The following TM2D3 variants were observed in gnomAD, a reference collection of about 807,000 sequenced individuals.
TM2D3 encodes TM2 domain-containing protein 3.
Under a neutral mutation model 27.3 loss-of-function variants are expected in TM2D3, and 33 were observed. That is an observed-to-expected ratio of 1.21 (90% CI 0.92 to 1.61). The LOEUF (loss-of-function observed/expected upper bound fraction) is 1.61. Ranked by LOEUF, TM2D3 falls within the 40% of genes most tolerant of loss-of-function variation. The pLI, the probability that TM2D3 is intolerant of heterozygous loss-of-function variation, is 0.00. For synonymous variants in TM2D3, 138 were observed against 122.2 expected (o/e 1.13, Z -0.85); for missense variants, 364 against 320.8 (o/e 1.13, Z -1.03).
In TM2D3 at chr15:101,645,542, C is replaced by T. The variant is rs182732391; in HGVS notation, c.503-380G>A. The T allele has an allele frequency of 4.6e-3, 829 of 180,386 alleles. 12 individuals are homozygous for T. The highest frequency in any genetic ancestry group is 5.4e-3 in the Non-Finnish European group (468 of 87,200). 11.2% of individuals were successfully genotyped at this position (180,386 alleles called of 1,614,324 possible). On this transcript the variant is annotated intron_variant, in intron 4 of 5. Transcript: ENST00000333202. ...ATGACAGAGGTCACACACGGATCAA[C>T]AGGGAAGAGTTGAGACAACTGGCCA...
chr15:101,651,240 GATAA>G lies in TM2D3; in HGVS notation c.169+452_169+455del, dbSNP rs148690499. The G allele has an allele frequency of 3.1e-3, 483 of 158,084 alleles. 1 individual carries two copies. Among genetic ancestry groups the G allele is most frequent in the Middle Eastern group, 0.02 (6 of 294 alleles). 9.8% of individuals were successfully genotyped at this position (158,084 alleles called of 1,614,324 possible). On this transcript the variant is annotated intron_variant, in intron 2 of 5. Transcript: ENST00000333202. ...AAGATGAGGACCAAGGTCCAAAGAG[GATAA>G]ATAATTTGTTCAAGATCCCAGTAGC... is the stretch of plus-strand genomic sequence containing the variant.
At chr15:101,637,867 T>A (rs560604701), downstream of TM2D3, among the ~76,000 whole-genome samples, 1 of 152,370 alleles carries the variant, frequency 6.6e-6, no homozygotes, top group East Asian at 1.9e-4. Flanking sequence ...GACAACTTCA[T>A]AATATGTGAA....
chr15:101,641,050 C>T (rs1479397478), downstream of TM2D3, among the ~76,000 whole-genome samples: 1 of 152,194 alleles, frequency 6.6e-6, no homozygotes, highest in East Asian at 1.9e-4. Flanking sequence ...GTATTAGATT[C>T]TCTTCTACAC....
chr15:101,645,229 C>A, intron 4 of TM2D3, 67 bp from the exon 5 acceptor site: 1 of 1,295,754 alleles, frequency 7.7e-7, no homozygotes. Flanking sequence ...TTAATTGTAA[C>A]AAATGGGCTC....
intron 4 of TM2D3, 79 bp downstream of exon 4, chr15:101,646,646 G>T: frequency 6.5e-7 from 1 of 1,530,706 alleles, no homozygotes; most frequent in Non-Finnish European, 9.0e-7. Context: ...AACTTGACTC[G>T]CAAATTTCTG....
chr15:101,637,685 C>T (rs575946364), downstream of TM2D3, among the ~76,000 whole-genome samples: 5 of 152,224 alleles, frequency 3.3e-5, no homozygotes, highest in African/African-American at 9.6e-5. Context: ...GCTCAAAGAT[C>T]GCTCCCACCT....
chr15:101,642,634 C>CGAG lies in TM2D3; in HGVS notation c.586_588dup (p.Leu196dup). On this transcript the variant is annotated inframe_insertion, in exon 6 of 6. Coordinates refer to ENST00000333202, the MANE Select transcript of TM2D3 (RefSeq NM_078474.3). The stretch of plus-strand genomic sequence containing the variant: ...TAGAAACGGTCTGCTCCAAACCCAC[C>CGAG]GAGGGTGATGCTGCGATGGCAAACA... 1 of 1,602,808 alleles carries CGAG rather than the reference C, an allele frequency of 6.2e-7. No individual in the cohort carries two copies. The highest frequency in any genetic ancestry group is 2.3e-5 in the East Asian group (1 of 44,362).
chr15:101,637,612 G>C (rs776820472), downstream of TM2D3, among the ~76,000 whole-genome samples: 1 of 152,096 alleles, frequency 6.6e-6, no homozygotes, highest in Non-Finnish European at 1.5e-5. Context: ...ATAGGAATTT[G>C]GGCAAGAGGG....
intron 5 of TM2D3, 49 bp from the exon 6 acceptor site, chr15:101,642,693 T>G (rs745726736): frequency 6.0e-6 from 9 of 1,503,976 alleles, no homozygotes; most frequent in Non-Finnish European, 8.1e-6. Context: ...CCACCCCAGC[T>G]GTGGCCAGTC....
chr15:101,639,846 G>C (rs1043003427), downstream of TM2D3, among the ~76,000 whole-genome samples: 4 of 152,168 alleles, frequency 2.6e-5, no homozygotes, highest in Admixed American at 6.5e-5. Context: ...GGACACCCGT[G>C]GCATTAACTC....
intron 1 of TM2D3, 157 bp downstream of exon 1, chr15:101,652,114 G>C: frequency 4.4e-6 from 3 of 676,586 alleles, no homozygotes; most frequent in Non-Finnish European, 7.1e-6. Flanking sequence ...CGGGCGGCCA[G>C]GGCGCCAGAC....
At chr15:101,649,252 C>T (rs114321217) in intron 3 of TM2D3, among the ~76,000 whole-genome samples, 3,224 of 151,896 alleles carry the variant, frequency 0.021, 64 homozygotes, top group African/African-American at 0.048. Flanking sequence ...TATTATTTGT[C>T]ACATATTCTA....
At chr15:101,633,479 G>A (rs1241503426) in exon 5 of TM2D3, 3 of 475,052 alleles carry the variant, frequency 6.3e-6, no homozygotes, top group Non-Finnish European at 1.1e-5. Flanking sequence ...GCAGTTGTAG[G>A]AGTGAGGCCC....
intron 4 of TM2D3, chr15:101,635,937 A>T (rs1481772914): frequency 6.6e-6 from 1 of 151,440 alleles, no homozygotes; most frequent in African/African-American, 2.4e-5. Flanking sequence ...CCCTTCTATC[A>T]TATGTATGTG....
At chr15:101,644,982 A>ACCACG in intron 5 of TM2D3, 105 bp downstream of exon 5, 3 of 967,464 alleles carry the variant, frequency 3.1e-6, no homozygotes, top group Non-Finnish European at 4.8e-6. Context: ...CACACGTGGT[A>ACCACG]GGATCTGAGT....
intron 1 of TM2D3, 26 bp from the exon 2 acceptor site, chr15:101,651,799 A>C: frequency 6.2e-7 from 1 of 1,612,350 alleles, no homozygotes; most frequent in Admixed American, 1.7e-5. Flanking sequence ...GTACAATTAG[A>C]GAAACACGTT....
rs1245434780 is a variant in TM2D3, at chr15:101,633,851, T to C, written c.501-123A>G. On this transcript the variant is annotated intron_variant, in intron 4 of 4. Transcript: ENST00000428002. ...AAGAACCAGGACATTCACAACTTGA[T>C]TGAGAAGAGATGATCAAAAGGTGCC... 3 of 787,778 alleles carry C rather than the reference T, an allele frequency of 3.8e-6. 1 individual carries two copies. In the African/African-American group the frequency reaches 5.2e-5, roughly 14 times the overall value. 48.8% of individuals were successfully genotyped at this position (787,778 alleles called of 1,614,324 possible).
At chr15:101,645,491 A>C in intron 4 of TM2D3, 1 of 292,294 alleles carries the variant, frequency 3.4e-6, no homozygotes, top group Non-Finnish European at 6.4e-6. Context: ...AACCAGAAAT[A>C]TACAAACACT....
downstream of TM2D3, among the ~76,000 whole-genome samples, chr15:101,639,613 T>C (rs148308138): frequency 3.1e-3 from 466 of 152,174 alleles, 3 homozygotes; most frequent in African/African-American, 0.011. Flanking sequence ...TTGTGTGGCA[T>C]AGAGAAGGTA....
Sources: gnomAD v4.1 joint callset for allele counts (sites outside exome capture counted in the v4.1 genomes callset) on GRCh38, gnomAD v4.1.1 for gene constraint, MANE v1.5 for transcripts, NCBI Gene and HGNC (gene_info 2026-07-23, HGNC 2026-07-21) for gene names.